The following ATF6 variants were observed in gnomAD, a reference collection of about 807,000 sequenced individuals.
The protein encoded by ATF6 is cyclic AMP-dependent transcription factor ATF-6 alpha.
ATF6 carries 53 observed loss-of-function variants against 83.6 expected under a neutral mutation model. The observed-to-expected ratio is 0.63, with a 90% CI of 0.51 to 0.80. The LOEUF is 0.80. Among genes scored for constraint, ATF6 ranks in the 30% least tolerant of loss-of-function variants. The pLI is 0.00. For synonymous variants in ATF6, 288 were observed against 285.8 expected (o/e 1.01, Z -0.08); for missense variants, 744 against 797.9 (o/e 0.93, Z 0.81).
Position 161,920,294 on chromosome 1 carries a change from C to CTCTTTT in ATF6, c.1804+7915_1804+7916insCTTTTT, listed in dbSNP as rs1157916734. ...TAGTTCTCTTTCTCTCTCTCTCTCT[C>CTCTTTT]TTTTTTTTTTTTTTTTTTGAGACAG... is the stretch of plus-strand genomic sequence containing the variant. On this transcript the variant is annotated intron_variant, in intron 15 of 15. Transcript: ENST00000367942. 5.5e-5 allele frequency among the ~76,000 whole-genome samples: 3 copies of CTCTTTT among 54,846 alleles called. 1 individual carries two copies. The highest frequency in any genetic ancestry group is 1.0e-4 in the Non-Finnish European group (3 of 30,140). 36.0% of individuals were successfully genotyped at this position (54,846 alleles called of 152,430 possible).
Position 161,766,374 on chromosome 1 carries a change from C to T in ATF6, c.14C>T (p.Ala5Val), listed in dbSNP as rs768207958. 3 of 1,612,894 alleles carry T rather than the reference C, an allele frequency of 1.9e-6. No individual in the cohort carries two copies. The highest frequency in any genetic ancestry group is 1.7e-6 in the Non-Finnish European group (2 of 1,179,442). Reference protein sequence around the residue: MGEPAGVAGTMESPF... With the variant: MGEPVGVAGTMESPF... The stretch of plus-strand genomic sequence containing the variant: ...GGAACTTGTGAAATGGGGGAGCCGG[C>T]TGGGGTTGCCGGCACCATGGAGTCA... Residue 5 changes from alanine (A) to valine (V), a missense_variant, in exon 1 of 16, where the codon GCT becomes GTT. Coordinates refer to ENST00000367942, the MANE Select transcript of ATF6 (RefSeq NM_007348.4).
intron 14 of ATF6, among the ~76,000 whole-genome samples, chr1:161,897,381 A>G (rs577753882): frequency 2.0e-5 from 3 of 152,284 alleles, no homozygotes; most frequent in Admixed American, 1.3e-4. Context: ...CAGCGATTTC[A>G]GTGAGTCAAG....
At chr1:161,870,433 T>C (rs774952642) in intron 14 of ATF6, among the ~76,000 whole-genome samples, 1 of 151,800 alleles carries the variant, frequency 6.6e-6, no homozygotes, top group Non-Finnish European at 1.5e-5. Context: ...GTCTTTGCTT[T>C]GTCTTAAAAA....
chr1:161,917,059 G>A (rs1688115480), intron 15 of ATF6, among the ~76,000 whole-genome samples: 1 of 152,030 alleles, frequency 6.6e-6, no homozygotes, highest in African/African-American at 2.4e-5. Flanking sequence ...TGTTATGTTC[G>A]CCACTTACCA....
chr1:161,892,928 G>A (rs951790755), intron 14 of ATF6, among the ~76,000 whole-genome samples: 3 of 152,070 alleles, frequency 2.0e-5, no homozygotes, highest in East Asian at 1.9e-4. Context: ...GTGAGCCACC[G>A]CGCCTGGCGG....
chr1:161,823,897 G>A (rs1360861433), intron 9 of ATF6, among the ~76,000 whole-genome samples: 1 of 152,174 alleles, frequency 6.6e-6, no homozygotes, highest in Non-Finnish European at 1.5e-5. Flanking sequence ...TCTTTTGATA[G>A]GCAGCTAGGG....
intron 14 of ATF6, among the ~76,000 whole-genome samples, chr1:161,878,685 A>G (rs1394317634): frequency 6.6e-6 from 1 of 152,138 alleles, no homozygotes; most frequent in East Asian, 1.9e-4. Flanking sequence ...AAATAGGGAG[A>G]AAACCAAGAG....
intron 14 of ATF6, among the ~76,000 whole-genome samples, chr1:161,880,304 C>T (rs1339293815): frequency 1.3e-5 from 2 of 151,456 alleles, no homozygotes; most frequent in African/African-American, 2.4e-5. Flanking sequence ...ACATATTTAA[C>T]ACCACATTTT....
intron 15 of ATF6, among the ~76,000 whole-genome samples, chr1:161,919,536 G>T (rs533748116): frequency 1.3e-5 from 2 of 152,240 alleles, no homozygotes; most frequent in Admixed American, 1.3e-4. Context: ...GTTTTTTAAT[G>T]GTAGATAGCT....
intron 14 of ATF6, among the ~76,000 whole-genome samples, chr1:161,903,902 C>T (rs1197631224): frequency 6.6e-6 from 1 of 152,164 alleles, no homozygotes; most frequent in Non-Finnish European, 1.5e-5. Context: ...ACCAGGGATA[C>T]TTGTTAATAG....
chr1:161,771,247 T>A (rs564887768), intron 1 of ATF6, among the ~76,000 whole-genome samples: 15 of 152,264 alleles, frequency 9.9e-5, no homozygotes, highest in African/African-American at 3.4e-4. Context: ...TTTCCTTCTC[T>A]TTATTCTTCT....
At chr1:161,952,098 G>A (rs1688874442) in intron 15 of ATF6, among the ~76,000 whole-genome samples, 1 of 152,022 alleles carries the variant, frequency 6.6e-6, no homozygotes, top group African/African-American at 2.4e-5. Flanking sequence ...TTCCCATTAT[G>A]CCCCTCCTTC....
chr1:161,801,336 T>G (rs927507418), intron 6 of ATF6, among the ~76,000 whole-genome samples: 2 of 151,602 alleles, frequency 1.3e-5, no homozygotes, highest in Admixed American at 6.6e-5. Context: ...TCAAATGGTT[T>G]TAAGTTTTTT....
chr1:161,807,959 A>G (rs1685343285), intron 7 of ATF6, among the ~76,000 whole-genome samples: 1 of 132,868 alleles, frequency 7.5e-6, no homozygotes, highest in African/African-American at 3.0e-5. Context: ...GGCTCACTGC[A>G]ACCTCCACCT....
intron 4 of ATF6, among the ~76,000 whole-genome samples, chr1:161,788,751 G>A (rs1684804385): frequency 6.6e-6 from 1 of 151,882 alleles, no homozygotes; most frequent in Non-Finnish European, 1.5e-5. Context: ...ACTAGGTAGG[G>A]ATCTAATTTT....
chr1:161,770,380 TG>T (rs1222080515), intron 1 of ATF6, among the ~76,000 whole-genome samples: 2 of 152,198 alleles, frequency 1.3e-5, no homozygotes, highest in Admixed American at 6.5e-5. Flanking sequence ...ACAGACTGCG[TG>T]GTTTAAACAA....
At chr1:161,874,774 T>TA (rs1406427864) in intron 14 of ATF6, among the ~76,000 whole-genome samples, 4 of 151,770 alleles carry the variant, frequency 2.6e-5, no homozygotes, top group Non-Finnish European at 5.9e-5. Context: ...GAGAATGATA[T>TA]GCAATAAAAA....
At chr1:161,894,234 T>TG (rs998871200) in intron 14 of ATF6, among the ~76,000 whole-genome samples, 3 of 151,588 alleles carry the variant, frequency 2.0e-5, no homozygotes, top group African/African-American at 7.3e-5. Flanking sequence ...GGTGTTTTTT[T>TG]TTTTTTTTTT....
intron 14 of ATF6, among the ~76,000 whole-genome samples, chr1:161,881,193 A>G (rs374381257): frequency 1.3e-5 from 2 of 152,000 alleles, no homozygotes; most frequent in East Asian, 1.9e-4. Flanking sequence ...CACAGTTACT[A>G]TGGGTCAGGA....
Sources: gnomAD v4.1 joint callset for allele counts (sites outside exome capture counted in the v4.1 genomes callset) on GRCh38, gnomAD v4.1.1 for gene constraint, MANE v1.5 for transcripts, NCBI Gene and HGNC (gene_info 2026-07-23, HGNC 2026-07-21) for gene names.